CEP63: variants seen among roughly 807,000 people sequenced by gnomAD.
CEP63 encodes the protein centrosomal protein 63.
In CEP63, 84 loss-of-function variants were observed where a neutral mutation model predicts 89.1. That is an observed-to-expected ratio of 0.94 (90% CI 0.79 to 1.13). CEP63 has a LOEUF of 1.13. Ranked by LOEUF, CEP63 falls within the 50% of genes most tolerant of loss-of-function variation. The probability of loss-of-function intolerance (pLI) is 0.00; values close to 1 mark genes in which losing one functional copy is unlikely to be tolerated. For synonymous variants in CEP63, 267 were observed against 272.5 expected, an observed-to-expected ratio of 0.98 and a Z score of 0.20; for missense variants, 838 against 813.3, an observed-to-expected ratio of 1.03 and a Z score of -0.37.
At chr3:134,687,177 C>T in the CEP63 span, among the ~76,000 whole-genome samples, 1 of 152,172 alleles carries the variant, frequency 6.6e-6, no homozygotes, top group Non-Finnish European at 1.5e-5. Flanking sequence ...TTTCATTGTA[C>T]CAACTTTGGT....
chr3:134,630,497 T>C, the CEP63 span, among the ~76,000 whole-genome samples: 1 of 152,210 alleles, frequency 6.6e-6, no homozygotes, highest in Non-Finnish European at 1.5e-5. Flanking sequence ...TCCAGCTTTT[T>C]GGGTAGAGGA....
At chr3:134,708,715 C>G in the CEP63 span, among the ~76,000 whole-genome samples, 3 of 152,158 alleles carry the variant, frequency 2.0e-5, no homozygotes, top group Admixed American at 6.5e-5. Context: ...GAAGCACATG[C>G]CTTCCTGCCC....
chr3:134,545,156 C>T (rs1355138522), intron 6 of CEP63, among the ~76,000 whole-genome samples: 2 of 152,002 alleles, frequency 1.3e-5, no homozygotes, highest in Admixed American at 6.6e-5. Context: ...CGCGCCACCA[C>T]GCCCAGCTAA....
chr3:134,625,155 T>A, the CEP63 span: 1 of 1,580,982 alleles, frequency 6.3e-7, no homozygotes, highest in Admixed American at 1.8e-5. Context: ...CAGGGCACCT[T>A]GGTCAGCAGC....
At chr3:134,687,087 C>T in the CEP63 span, among the ~76,000 whole-genome samples, 1 of 152,166 alleles carries the variant, frequency 6.6e-6, no homozygotes, top group African/African-American at 2.4e-5. Flanking sequence ...CTCACTTCAT[C>T]TACAAGACCC....
At chr3:134,726,358 C>A in the CEP63 span, among the ~76,000 whole-genome samples, 1 of 151,956 alleles carries the variant, frequency 6.6e-6, no homozygotes, top group South Asian at 2.1e-4. Flanking sequence ...ACATTTTAAT[C>A]CCCCAGAATC....
chr3:134,620,901 G>T, the CEP63 span: 1 of 1,173,152 alleles, frequency 8.5e-7, no homozygotes. Flanking sequence ...CTCGAGGAGG[G>T]GCTGTTGGGG....
chr3:134,759,239 A>T, the CEP63 span, among the ~76,000 whole-genome samples: 1 of 152,208 alleles, frequency 6.6e-6, no homozygotes, highest in East Asian at 1.9e-4. Context: ...GCAACAGGAG[A>T]CTAATACAGT....
At chr3:134,650,741 T>C in the CEP63 span, 3 of 1,297,360 alleles carry the variant, frequency 2.3e-6, no homozygotes, top group Non-Finnish European at 3.1e-6. Flanking sequence ...GGGGGAGCAA[T>C]GGGCGCCCCC....
intron 6 of CEP63, among the ~76,000 whole-genome samples, chr3:134,545,352 A>T (rs371015112): frequency 2.4e-4 from 36 of 150,836 alleles, no homozygotes; most frequent in African/African-American, 8.8e-4. Context: ...CTGATCTCGA[A>T]CTCCTGAGCT....
chr3:134,490,052 C>T (rs981984211), intron 1 of CEP63, among the ~76,000 whole-genome samples: 5 of 152,072 alleles, frequency 3.3e-5, no homozygotes, highest in South Asian at 2.1e-4. Context: ...TTCAAGGAGC[C>T]GTGGTTCTTT....
At chr3:134,768,102 C>T in the CEP63 span, among the ~76,000 whole-genome samples, 3 of 152,110 alleles carry the variant, frequency 2.0e-5, no homozygotes, top group Non-Finnish European at 4.4e-5. Context: ...GCTAGAGGGA[C>T]AAATGGGGTC....
chr3:134,518,757 A>C (rs571385941), intron 3 of CEP63, among the ~76,000 whole-genome samples: 13 of 152,144 alleles, frequency 8.5e-5, no homozygotes, highest in East Asian at 1.9e-4. Flanking sequence ...AAACAAAAAA[A>C]CCCCAGCAAA....
At chr3:134,509,259 G>A (rs1184436737) in intron 3 of CEP63, among the ~76,000 whole-genome samples, 6 of 152,188 alleles carry the variant, frequency 3.9e-5, no homozygotes, top group Admixed American at 2.0e-4. Context: ...CTATCTTCAC[G>A]TGGTGGAGCA....
intron 2 of CEP63, 29 bp from the exon 3 acceptor site, chr3:134,507,080 T>G (rs1334558950): frequency 6.3e-7 from 1 of 1,597,994 alleles, no homozygotes; most frequent in Non-Finnish European, 8.6e-7. Context: ...ATATCTTCTG[T>G]TTTTTTAATG....
the CEP63 span, among the ~76,000 whole-genome samples, chr3:134,757,889 T>G: frequency 6.6e-6 from 1 of 151,628 alleles, no homozygotes; most frequent in Non-Finnish European, 1.5e-5. Context: ...GGAGGGGAAT[T>G]TGGGGGGAAT....
At chr3:134,545,013 G>A (rs1357854584) in intron 6 of CEP63, among the ~76,000 whole-genome samples, 1 of 151,840 alleles carries the variant, frequency 6.6e-6, no homozygotes, top group African/African-American at 2.4e-5. Flanking sequence ...TGTTTGTTTT[G>A]AGACAGAGTC....
the CEP63 span, among the ~76,000 whole-genome samples, chr3:134,774,572 G>A: frequency 6.6e-6 from 1 of 152,160 alleles, no homozygotes. Context: ...ATAGAAACGT[G>A]CAATGTTATC....
intron 5 of CEP63, chr3:134,536,849 A>G (rs191011247): frequency 2.8e-6 from 1 of 352,266 alleles, no homozygotes; most frequent in African/African-American, 2.1e-5. Flanking sequence ...CTAGAAAATT[A>G]TAACAACCCT....
Sources: gnomAD v4.1 joint callset for allele counts (sites outside exome capture counted in the v4.1 genomes callset) on GRCh38, gnomAD v4.1.1 for gene constraint, MANE v1.5 for transcripts, NCBI Gene and HGNC (gene_info 2026-07-23, HGNC 2026-07-21) for gene names.